Variants in SDAD1 observed in about 807,000 individuals in gnomAD.
SDAD1 encodes SDA1 domain containing 1.
Under a neutral mutation model 100.3 loss-of-function variants are expected in SDAD1, and 79 were observed. The observed-to-expected ratio is 0.79, with a 90% CI of 0.66 to 0.95. The LOEUF is 0.95. Ranked by LOEUF, SDAD1 falls within the 40% of genes least tolerant of loss-of-function variation. The probability of loss-of-function intolerance (pLI) is 0.00; values close to 1 mark genes in which losing one functional copy is unlikely to be tolerated. For missense variants in SDAD1, 790 were observed against 810.9 expected (o/e 0.97, Z 0.31); for synonymous variants, 267 against 271.4 (o/e 0.98, Z 0.16).
intron 3 of SDAD1, among the ~76,000 whole-genome samples, chr4:75,978,167 G>T (rs1287770267): frequency 2.6e-5 from 4 of 151,436 alleles, no homozygotes; most frequent in Non-Finnish European, 5.9e-5. Flanking sequence ...GACCTTACGA[G>T]GCATTCTTCT....
In SDAD1 at chr4:75,974,065, T is replaced by C. The variant is rs1730016214; in HGVS notation, c.636+11A>G. On this transcript the variant is annotated intron_variant, in intron 7 of 21. Transcript: ENST00000356260. ...CAGACAGAGCTTACACACAGCCCTA[T>C]AGGTGCTCACCTTGGTGACCTTAGA... is the stretch of plus-strand genomic sequence containing the variant. The C allele has an allele frequency of 2.5e-6, 4 of 1,612,252 alleles. No individual in the cohort carries two copies. The highest frequency in any genetic ancestry group is 2.2e-5 in the East Asian group (1 of 44,838).
At position 75,990,277 on chromosome 4, in the gene SDAD1, C is replaced by A. The variant is rs908584708; in HGVS notation, c.90+475G>T. On this transcript the variant is annotated intron_variant, in intron 1 of 21. Transcript: ENST00000356260. ...GTCTGTCCGTTGTGCTTGAGAAACC[C>A]CCCCCCCCCCTTTCCTGGCACAGTC... Among the ~76,000 whole-genome samples, 14 of 69,964 alleles carry A rather than the reference C, an allele frequency of 2.0e-4. No individual in the cohort carries two copies. The East Asian group carries it at 2.5e-3, about 13-fold the overall frequency. 45.9% of individuals were successfully genotyped at this position (69,964 alleles called of 152,430 possible). A position where few individuals can be genotyped will look rare whatever the true frequency, so the allele number is the denominator to read the frequency against.
intron 14 of SDAD1, among the ~76,000 whole-genome samples, chr4:75,962,170 T>C (rs572108406): frequency 7.2e-5 from 11 of 152,316 alleles, no homozygotes; most frequent in East Asian, 5.8e-4. Context: ...GTCCTTGCGA[T>C]AGTTTGCTAA....
intron 4 of SDAD1, 140 bp downstream of exon 4, chr4:75,977,506 C>G (rs930439870): frequency 1.5e-6 from 1 of 665,112 alleles, no homozygotes; most frequent in Non-Finnish European, 2.7e-6. Context: ...TGGCTATTAA[C>G]ACCATATAGC....
chr4:75,973,075 G>A (rs575955349), intron 8 of SDAD1, among the ~76,000 whole-genome samples: 27 of 152,088 alleles, frequency 1.8e-4, no homozygotes, highest in Admixed American at 4.6e-4. Flanking sequence ...GTGAGATATA[G>A]GTATAACTTT....
At chr4:75,966,334 G>A (rs971025846) in intron 12 of SDAD1, among the ~76,000 whole-genome samples, 1 of 150,546 alleles carries the variant, frequency 6.6e-6, no homozygotes, top group Non-Finnish European at 1.5e-5. Flanking sequence ...CAAAGGGGCA[G>A]CATAGCATAG....
rs766037808 is a variant in SDAD1 at position 75,990,849 on chromosome 4, G to A, written c.-8C>T. 13 of 1,613,992 alleles carry A rather than the reference G, an allele frequency of 8.1e-6. No individual in the cohort carries two copies. In the South Asian group the frequency reaches 1.2e-4, roughly 15 times the overall value. ...GTTGTTTCTGTTGGACATTTTGGCT[G>A]CAGACAGACTTCGCGGCGAGCAGTT... On this transcript the variant is annotated 5_prime_UTR_variant, in exon 1 of 22. Coordinates refer to ENST00000356260, the MANE Select transcript of SDAD1 (RefSeq NM_018115.4).
intron 21 of SDAD1, among the ~76,000 whole-genome samples, chr4:75,951,468 T>C (rs1323873143): frequency 1.3e-5 from 2 of 152,212 alleles, no homozygotes; most frequent in African/African-American, 4.8e-5. Flanking sequence ...TTCTAGTTAA[T>C]ACAGGCTCTA....
intron 3 of SDAD1, among the ~76,000 whole-genome samples, chr4:75,979,746 C>T (rs1045396361): frequency 7.2e-5 from 11 of 152,036 alleles, no homozygotes; most frequent in Non-Finnish European, 1.0e-4. Context: ...TGAGCCACCG[C>T]GCCTGGCGGA....
At chr4:75,952,291 T>C (rs1728663167) in intron 21 of SDAD1, among the ~76,000 whole-genome samples, 1 of 152,222 alleles carries the variant, frequency 6.6e-6, no homozygotes, top group South Asian at 2.1e-4. Flanking sequence ...AAGAACTAAA[T>C]GTGTTAGCTA....
At chr4:75,990,631 C>T in intron 1 of SDAD1, 121 bp downstream of exon 1, 1 of 1,596,826 alleles carries the variant, frequency 6.3e-7, no homozygotes, top group Non-Finnish European at 8.5e-7. Flanking sequence ...TGGAGGGACC[C>T]CTGAACCTAA....
chr4:75,973,624 G>A (rs1367816869), intron 7 of SDAD1, among the ~76,000 whole-genome samples: 1 of 152,042 alleles, frequency 6.6e-6, no homozygotes, highest in Non-Finnish European at 1.5e-5. Context: ...TATCCTTCAA[G>A]ACTGTCGAGA....
At chr4:75,979,512 A>T (rs925525397) in intron 3 of SDAD1, among the ~76,000 whole-genome samples, 10 of 151,798 alleles carry the variant, frequency 6.6e-5, no homozygotes, top group Admixed American at 1.3e-4. Flanking sequence ...CTGGAGTGCA[A>T]TGGCGCGATC....
At chr4:75,966,047 A>G (rs1376606568) in intron 12 of SDAD1, among the ~76,000 whole-genome samples, 1 of 152,100 alleles carries the variant, frequency 6.6e-6, no homozygotes, top group Non-Finnish European at 1.5e-5. Flanking sequence ...AATGTAAAAC[A>G]GAACCCGTCC....
At chr4:75,963,293 A>ACCAT (rs1729353835) in intron 14 of SDAD1, among the ~76,000 whole-genome samples, 3 of 151,858 alleles carry the variant, frequency 2.0e-5, no homozygotes, top group South Asian at 2.1e-4. Context: ...TGGTTACTGT[A>ACCAT]GCCTTGTAGT....
At chr4:75,965,848 T>A in intron 12 of SDAD1, 26 bp from the exon 13 acceptor site, 1 of 1,605,408 alleles carries the variant, frequency 6.2e-7, no homozygotes, top group Non-Finnish European at 8.5e-7. Flanking sequence ...AACAGAAAGG[T>A]CATGGTCAGT....
At chr4:75,974,383 G>A (rs1300100445) in intron 6 of SDAD1, among the ~76,000 whole-genome samples, 5 of 144,052 alleles carry the variant, frequency 3.5e-5, no homozygotes, top group South Asian at 2.3e-4. Flanking sequence ...TTTTAATGAC[G>A]TAGGAAGCTA....
intron 8 of SDAD1, 116 bp from the exon 9 acceptor site, chr4:75,971,574 T>C (rs925756215): frequency 3.9e-6 from 3 of 764,378 alleles, no homozygotes; most frequent in Admixed American, 2.4e-5. Flanking sequence ...CTATTAAAAA[T>C]GAATACTACT....
intron 2 of SDAD1, 118 bp downstream of exon 2, chr4:75,981,815 A>T: frequency 1.2e-6 from 1 of 832,162 alleles, no homozygotes; most frequent in Non-Finnish European, 1.8e-6. Flanking sequence ...AGGGAAAGTT[A>T]GAAAAATATT....
Sources: gnomAD v4.1 joint callset for allele counts (sites outside exome capture counted in the v4.1 genomes callset) on GRCh38, gnomAD v4.1.1 for gene constraint, MANE v1.5 for transcripts, NCBI Gene and HGNC (gene_info 2026-07-23, HGNC 2026-07-21) for gene names.